UBTD2: variants seen among roughly 807,000 people sequenced by gnomAD.
UBTD2 encodes ubiquitin domain containing 2.
In UBTD2, 9 loss-of-function variants were observed where a neutral mutation model predicts 19.8. The observed-to-expected ratio is 0.46, with a 90% CI of 0.27 to 0.79. The LOEUF is 0.79. UBTD2 is among the 30% of genes least tolerant of loss of function. The probability of loss-of-function intolerance (pLI) is 0.14; values close to 1 mark genes in which losing one functional copy is unlikely to be tolerated. For missense variants in UBTD2, 250 were observed against 300.4 expected (o/e 0.83, Z 1.24); for synonymous variants, 98 against 103.9 (o/e 0.94, Z 0.35).
At chr5:172,276,948 A>C (rs1400761261) in intron 1 of UBTD2, among the ~76,000 whole-genome samples, 1 of 151,716 alleles carries the variant, frequency 6.6e-6, no homozygotes, top group African/African-American at 2.4e-5. Context: ...GCACACGTGT[A>C]ATCCCAGCTA....
At chr5:172,221,621 C>T (rs6876038) in intron 2 of UBTD2, among the ~76,000 whole-genome samples, 85,881 of 151,978 alleles carry the variant, frequency 0.57, 24,729 homozygotes, top group East Asian at 0.78. Flanking sequence ...TAATATGATT[C>T]CAACTATTTC....
chr5:172,276,009 T>C (rs1266912746), intron 1 of UBTD2, among the ~76,000 whole-genome samples: 2 of 152,204 alleles, frequency 1.3e-5, no homozygotes, highest in Non-Finnish European at 2.9e-5. Flanking sequence ...CTTCCCACTT[T>C]AGGCAATCCT....
intron 2 of UBTD2, among the ~76,000 whole-genome samples, chr5:172,230,190 C>A (rs1489317801): frequency 6.6e-6 from 1 of 152,142 alleles, no homozygotes; most frequent in Non-Finnish European, 1.5e-5. Flanking sequence ...GTAGTTATGA[C>A]AAGTTCCCTC....
intron 2 of UBTD2, among the ~76,000 whole-genome samples, chr5:172,226,233 G>A (rs1771763866): frequency 6.6e-6 from 1 of 152,160 alleles, no homozygotes; most frequent in Non-Finnish European, 1.5e-5. Context: ...GAATGCAAAG[G>A]AATGAAACAG....
At chr5:172,274,845 C>T (rs764437240) in intron 1 of UBTD2, among the ~76,000 whole-genome samples, 4 of 151,946 alleles carry the variant, frequency 2.6e-5, no homozygotes, top group Non-Finnish European at 4.4e-5. Flanking sequence ...TTGAGACCAT[C>T]CTAACACGGT....
At chr5:172,219,266 A>G (rs1771608064) in intron 2 of UBTD2, among the ~76,000 whole-genome samples, 1 of 152,274 alleles carries the variant, frequency 6.6e-6, no homozygotes, top group South Asian at 2.1e-4. Flanking sequence ...AAGAGAATAC[A>G]GCATTCCTCC....
intron 1 of UBTD2, among the ~76,000 whole-genome samples, chr5:172,247,204 A>T (rs1485886283): frequency 1.3e-5 from 2 of 152,166 alleles, no homozygotes; most frequent in Non-Finnish European, 2.9e-5. Flanking sequence ...AAGAAAGTTT[A>T]AGTGGCTATA....
At chr5:172,225,850 A>G (rs992045786) in intron 2 of UBTD2, among the ~76,000 whole-genome samples, 3 of 151,904 alleles carry the variant, frequency 2.0e-5, no homozygotes, top group African/African-American at 7.3e-5. Flanking sequence ...AGGTTTTTGT[A>G]GCACTATGAG....
At chr5:172,268,207 A>G (rs1442976168) in intron 1 of UBTD2, among the ~76,000 whole-genome samples, 1 of 152,168 alleles carries the variant, frequency 6.6e-6, no homozygotes, top group Non-Finnish European at 1.5e-5. Context: ...GATAAGTACT[A>G]TAAGAATAGT....
At chr5:172,284,097 C>G (rs1414335581), upstream of UBTD2, 2 of 150,758 alleles carry the variant, frequency 1.3e-5, no homozygotes, top group Non-Finnish European at 1.5e-5. Flanking sequence ...GGCCTGGGCT[C>G]GGCCCGGCCC....
At chr5:172,240,782 C>T (rs1772111350) in intron 1 of UBTD2, among the ~76,000 whole-genome samples, 1 of 152,056 alleles carries the variant, frequency 6.6e-6, no homozygotes, top group East Asian at 1.9e-4. Context: ...GAAACTGGGA[C>T]TAAGAATATG....
At chr5:172,269,490 C>CAAA (rs373193759) in intron 1 of UBTD2, among the ~76,000 whole-genome samples, 1 of 73,220 alleles carries the variant, frequency 1.4e-5, no homozygotes, top group African/African-American at 5.3e-5. Context: ...GGCCCTGTCT[C>CAAA]AAAAAAAAAA....
chr5:172,235,310 G>A (rs1771986129), intron 1 of UBTD2, among the ~76,000 whole-genome samples: 1 of 152,108 alleles, frequency 6.6e-6, no homozygotes, highest in African/African-American at 2.4e-5. Flanking sequence ...GCTTTTCAGT[G>A]CCCAGAGAAA....
intron 1 of UBTD2, among the ~76,000 whole-genome samples, chr5:172,274,072 C>T (rs778642486): frequency 2.0e-5 from 3 of 151,880 alleles, no homozygotes; most frequent in Non-Finnish European, 4.4e-5. Context: ...TTCACCTCCA[C>T]TGTCACACTA....
chr5:172,255,496 G>A (rs985619488), intron 1 of UBTD2: 28 of 342,526 alleles, frequency 8.2e-5, no homozygotes, highest in South Asian at 6.8e-4. Context: ...TAGGGACGCC[G>A]CCCACGAGAA....
intron 1 of UBTD2, among the ~76,000 whole-genome samples, chr5:172,244,570 T>C (rs948703064): frequency 2.6e-5 from 4 of 151,938 alleles, no homozygotes; most frequent in Non-Finnish European, 4.4e-5. Flanking sequence ...AGTGCAGGGA[T>C]TACAGATGTA....
At chr5:172,254,926 C>A in intron 1 of UBTD2, 1 of 513,456 alleles carries the variant, frequency 1.9e-6, no homozygotes. Flanking sequence ...TCCTCCTCCT[C>A]CTCAAGGAGA....
chr5:172,255,270 A>G (rs28370519), intron 1 of UBTD2: 153,637 of 450,432 alleles, frequency 0.34, 27,269 homozygotes, highest in South Asian at 0.45. Flanking sequence ...TCTGTATTCC[A>G]TGCCACAGGC....
chr5:172,237,197 G>A (rs1295033728), intron 1 of UBTD2, among the ~76,000 whole-genome samples: 1 of 152,132 alleles, frequency 6.6e-6, no homozygotes. Flanking sequence ...GGGTTCAAGC[G>A]ATTCTCCTGC....
Sources: gnomAD v4.1 joint callset for allele counts (sites outside exome capture counted in the v4.1 genomes callset) on GRCh38, gnomAD v4.1.1 for gene constraint, MANE v1.5 for transcripts, NCBI Gene and HGNC (gene_info 2026-07-23, HGNC 2026-07-21) for gene names.